The following GRIP1 variants were observed in gnomAD, a reference collection of about 807,000 sequenced individuals.
The protein encoded by GRIP1 is glutamate receptor-interacting protein 1.
GRIP1 carries 45 observed loss-of-function variants against 129.9 expected under a neutral mutation model. That is an observed-to-expected ratio of 0.35 (90% confidence interval 0.27 to 0.44). GRIP1 has a LOEUF of 0.44. GRIP1 is among the 20% of genes least tolerant of loss of function. The probability of loss-of-function intolerance (pLI) is 1.00; values close to 1 mark genes in which losing one functional copy is unlikely to be tolerated. For missense variants in GRIP1, 1,196 were observed against 1,396.8 expected (o/e 0.86, Z 2.29); for synonymous variants, 530 against 520.8 (o/e 1.02, Z -0.24).
chr12:67,024,678 G>A (rs781073448), intron 1 of GRIP1, among the ~76,000 whole-genome samples: 7 of 152,048 alleles, frequency 4.6e-5, no homozygotes, highest in African/African-American at 9.7e-5. Flanking sequence ...ATCATTTCAC[G>A]TGTGGAATTC....
At chr12:66,817,250 A>G (rs2039238660) in intron 1 of GRIP1, among the ~76,000 whole-genome samples, 1 of 150,266 alleles carries the variant, frequency 6.7e-6, no homozygotes, top group Non-Finnish European at 1.5e-5. Context: ...ACACATATAT[A>G]TTTCCCACGG....
intron 23 of GRIP1, among the ~76,000 whole-genome samples, chr12:66,361,745 T>C (rs2054780774): frequency 6.6e-6 from 1 of 152,214 alleles, no homozygotes; most frequent in African/African-American, 2.4e-5. Flanking sequence ...CAGCCTCTGC[T>C]TTCTAGCTCC....
rs533221686 is a variant in GRIP1, at chr12:66,474,957, G to A, written c.725-9535C>T. Reference sequence around the variant, plus strand: ...ATGACCAGCTAACATCATAATGACAGGACCAAATTCACACATAACAATATT... The same window carrying A: ...ATGACCAGCTAACATCATAATGACAAGACCAAATTCACACATAACAATATT... On this transcript the variant is annotated intron_variant, in intron 7 of 24. Transcript: ENST00000359742. 2.6e-5 allele frequency among the ~76,000 whole-genome samples: 4 copies of A among 152,196 alleles called. No individual in the cohort carries two copies. In the East Asian group the frequency reaches 7.7e-4, roughly 29 times the overall value.
At chr12:66,575,366 A>G (rs1845005187) in intron 2 of GRIP1, among the ~76,000 whole-genome samples, 1 of 152,198 alleles carries the variant, frequency 6.6e-6, no homozygotes, top group African/African-American at 2.4e-5. Flanking sequence ...ATTTTAAAAT[A>G]TTTTTATTGA....
rs1244574641 is a variant in GRIP1, at chr12:66,725,785, C to A, written c.-420+78268G>T. 3.9e-5 allele frequency among the ~76,000 whole-genome samples: 6 copies of A among 152,164 alleles called. No homozygotes were observed. In the East Asian group the frequency reaches 1.2e-3, roughly 29 times the overall value. On this transcript the variant is annotated intron_variant, in intron 1 of 4. Coordinates refer to the GRIP1 transcript ENST00000538373. ...TTTCATATAACAATACTTACTCTTA[C>A]CATGTAAGAAATACTTTAATTTCCA...
intron 5 of GRIP1, among the ~76,000 whole-genome samples, chr12:66,526,281 C>T (rs201387545): frequency 1.3e-5 from 2 of 152,022 alleles, no homozygotes; most frequent in Non-Finnish European, 2.9e-5. Flanking sequence ...TCAAACTATA[C>T]TACAAGGCTA....
At chr12:66,635,801 A>T (rs1223331288) in intron 1 of GRIP1, among the ~76,000 whole-genome samples, 1 of 152,140 alleles carries the variant, frequency 6.6e-6, no homozygotes, top group Non-Finnish European at 1.5e-5. Context: ...TATTTTAAAG[A>T]AGAGAAAACA....
At chr12:66,501,345 G>A (rs79419887) in intron 7 of GRIP1, among the ~76,000 whole-genome samples, 7 of 152,216 alleles carry the variant, frequency 4.6e-5, no homozygotes, top group East Asian at 3.9e-4. Flanking sequence ...ATTACGTCAC[G>A]CCTGGTGGGG....
chr12:66,582,454 G>A (rs1359448410), intron 2 of GRIP1, among the ~76,000 whole-genome samples: 1 of 149,514 alleles, frequency 6.7e-6, no homozygotes, highest in Non-Finnish European at 1.5e-5. Flanking sequence ...TAAGAAAAGA[G>A]GAAGTCAAAT....
At chr12:66,623,918 T>C (rs1291177788) in intron 1 of GRIP1, among the ~76,000 whole-genome samples, 2 of 152,184 alleles carry the variant, frequency 1.3e-5, no homozygotes, top group African/African-American at 2.4e-5. Flanking sequence ...AAATTTATTA[T>C]CTTTTGGTTT....
chr12:66,551,820 G>T (rs1324756101), intron 2 of GRIP1, among the ~76,000 whole-genome samples: 1 of 152,086 alleles, frequency 6.6e-6, no homozygotes, highest in African/African-American at 2.4e-5. Flanking sequence ...GGGCTCAAGC[G>T]ATGGTCCTGC....
chr12:66,495,578 G>A (rs1261772250), intron 7 of GRIP1, among the ~76,000 whole-genome samples: 1 of 151,970 alleles, frequency 6.6e-6, no homozygotes, highest in African/African-American at 2.4e-5. Context: ...TCCCACAGGT[G>A]GCATAGTTAA....
At chr12:66,891,754 A>G (rs1465785719) in intron 1 of GRIP1, 1 of 152,228 alleles carries the variant, frequency 6.6e-6, no homozygotes. Context: ...ACCTTGAGAA[A>G]GAGCTGACAG....
intron 1 of GRIP1, among the ~76,000 whole-genome samples, chr12:67,050,976 C>G (rs1344739553): frequency 6.6e-6 from 1 of 152,146 alleles, no homozygotes; most frequent in Non-Finnish European, 1.5e-5. Flanking sequence ...AAGCTAAAAT[C>G]AGTATCCTGA....
chr12:67,035,579 T>C (rs1196541013), intron 1 of GRIP1: 1 of 152,154 alleles, frequency 6.6e-6, no homozygotes, highest in Non-Finnish European at 1.5e-5. Context: ...TTTCTGCCAA[T>C]GATTAGGTAT....
intron 2 of GRIP1, among the ~76,000 whole-genome samples, chr12:66,565,167 C>T (rs75719158): frequency 0.23 from 35,075 of 151,982 alleles, 4,295 homozygotes; most frequent in Admixed American, 0.27. Context: ...GTTGCCATTG[C>T]TTTTGGTGTT....
chr12:66,861,903 AT>A (rs1242631585), intron 1 of GRIP1, among the ~76,000 whole-genome samples: 3 of 152,100 alleles, frequency 2.0e-5, no homozygotes, highest in African/African-American at 7.2e-5. Context: ...GGAAAACGCA[AT>A]TTGTTCTACC....
chr12:66,387,400 C>A (rs985299045), intron 19 of GRIP1, among the ~76,000 whole-genome samples: 1 of 152,192 alleles, frequency 6.6e-6, no homozygotes, highest in Non-Finnish European at 1.5e-5. Flanking sequence ...CTCACACATA[C>A]CATGCTGGAA....
chr12:66,684,882 C>T (rs2127532), intron 1 of GRIP1, among the ~76,000 whole-genome samples: 41,027 of 151,744 alleles, frequency 0.27, 5,940 homozygotes, highest in East Asian at 0.44. Context: ...CGAAACGAAA[C>T]GAAACAAAAC....
Sources: gnomAD v4.1 joint callset for allele counts (sites outside exome capture counted in the v4.1 genomes callset) on GRCh38, gnomAD v4.1.1 for gene constraint, MANE v1.5 for transcripts, NCBI Gene and HGNC (gene_info 2026-07-23, HGNC 2026-07-21) for gene names.